ADGRL4: variants seen among roughly 807,000 people sequenced by gnomAD.
The protein encoded by ADGRL4 is adhesion G protein-coupled receptor L4.
ADGRL4 carries 90 observed loss-of-function variants against 74.8 expected under a neutral mutation model. That is an observed-to-expected ratio of 1.20 (90% CI 1.02 to 1.43). The LOEUF (loss-of-function observed/expected upper bound fraction) is 1.43, where lower values mean the gene tolerates loss of function less well. Among genes scored for constraint, ADGRL4 ranks in the 40% most tolerant of loss-of-function variants. ADGRL4 has a pLI of 0.00. For synonymous variants in ADGRL4, 311 were observed against 279.2 expected, an observed-to-expected ratio of 1.11 and a Z score of -1.14; for missense variants, 881 against 814.3, an observed-to-expected ratio of 1.08 and a Z score of -1.00.
Position 78,977,828 on chromosome 1 carries a change from T to C in ADGRL4, c.172+27242A>G, listed in dbSNP as rs866297949. On this transcript the variant is annotated intron_variant, in intron 2 of 14. Transcript: ENST00000370742. The stretch of plus-strand genomic sequence containing the variant: ...AGGGATAAGCATTACCTGGAATTAA[T>C]TGGAAAGAGCTAACATAATCAAAAC... 8.6e-4 allele frequency among the ~76,000 whole-genome samples: 131 copies of C among 151,928 alleles called. 1 individual carries two copies. The highest frequency in any genetic ancestry group is 2.9e-3 in the African/African-American group (121 of 41,492).
At position 78,939,180 on chromosome 1, in the gene ADGRL4, C is replaced by T. The variant is rs773342442; in HGVS notation, c.396+8G>A. Reference sequence around the variant, plus strand: ...AAAATAAAATAAATTGTTAACTGTTCTACTTACTTTTGTTAAAGTTTTATT... The same window carrying T: ...AAAATAAAATAAATTGTTAACTGTTTTACTTACTTTTGTTAAAGTTTTATT... On this transcript the variant is annotated splice_region_variant and intron_variant, in intron 4 of 14. Transcript: ENST00000370742. 6.4e-7 allele frequency: 1 copy of T among 1,556,310 alleles called. No individual in the cohort carries two copies. The highest frequency in any genetic ancestry group is 8.7e-7 in the Non-Finnish European group (1 of 1,155,658).
intron 12 of ADGRL4, among the ~76,000 whole-genome samples, chr1:78,916,805 T>A (rs1411121777): frequency 1.3e-5 from 2 of 151,886 alleles, no homozygotes; most frequent in African/African-American, 4.8e-5. Context: ...TTGCCATAAC[T>A]TCTCTACTGA....
intron 2 of ADGRL4, among the ~76,000 whole-genome samples, chr1:79,001,049 A>T (rs1434431596): frequency 6.6e-6 from 1 of 151,962 alleles, no homozygotes; most frequent in South Asian, 2.1e-4. Flanking sequence ...ATCCTTAAAT[A>T]TTATCTGAAA....
At chr1:78,977,346 G>T (rs1650305455) in intron 2 of ADGRL4, among the ~76,000 whole-genome samples, 1 of 151,652 alleles carries the variant, frequency 6.6e-6, no homozygotes, top group African/African-American at 2.4e-5. Context: ...GAATTGTATG[G>T]GAACTAGGGT....
chr1:78,957,784 G>A (rs1223941385), intron 2 of ADGRL4, among the ~76,000 whole-genome samples: 1 of 152,202 alleles, frequency 6.6e-6, no homozygotes, highest in East Asian at 1.9e-4. Context: ...GGAAACAATA[G>A]ATTTTCAGTG....
At chr1:78,999,823 TCTATCTATCTATCTATCTAC>T (rs1018433643) in intron 2 of ADGRL4, among the ~76,000 whole-genome samples, 2 of 149,906 alleles carry the variant, frequency 1.3e-5, no homozygotes, top group African/African-American at 4.9e-5. Flanking sequence ...TATCTATCTA[TCTATCTATCTATCTATCTAC>T]CTACCTACCT....
intron 2 of ADGRL4, among the ~76,000 whole-genome samples, chr1:78,994,455 C>T (rs952646343): frequency 6.6e-6 from 1 of 152,244 alleles, no homozygotes; most frequent in East Asian, 1.9e-4. Context: ...ATTTTGCAGA[C>T]TGAATTTTTG....
Position 78,890,580 on chromosome 1 carries a change from A to G in ADGRL4, c.*574T>C, listed in dbSNP as rs1022595599. The G allele has an allele frequency of 2.0e-5, 3 of 152,130 alleles. No homozygotes were observed. Among genetic ancestry groups the G allele is most frequent in the African/African-American group, 7.2e-5 (3 of 41,430 alleles). The allele number at this position is 152,130 out of a possible 1,614,324, so 9.4% of individuals were successfully genotyped here. On this transcript the variant is annotated 3_prime_UTR_variant, in exon 15 of 15. Coordinates refer to ENST00000370742, the MANE Select transcript of ADGRL4 (RefSeq NM_022159.4). ...GTTTTAGTGGACATTTAAGTTCAGA[A>G]CAATTCACAAAATGGTAAAATGTGT...
At chr1:78,971,288 A>G (rs940530814) in intron 2 of ADGRL4, among the ~76,000 whole-genome samples, 2 of 151,692 alleles carry the variant, frequency 1.3e-5, no homozygotes, top group Non-Finnish European at 2.9e-5. Context: ...TTTTTTTATT[A>G]TTATTATACT....
chr1:78,926,064 T>C (rs948038635), intron 8 of ADGRL4, among the ~76,000 whole-genome samples: 1 of 152,218 alleles, frequency 6.6e-6, no homozygotes, highest in East Asian at 1.9e-4. Flanking sequence ...CTACCTTCAA[T>C]GTTTTTACTT....
intron 7 of ADGRL4, among the ~76,000 whole-genome samples, chr1:78,931,503 T>C (rs560761117): frequency 5.2e-4 from 78 of 151,364 alleles, no homozygotes; most frequent in South Asian, 1.7e-3. Context: ...CCAATGACAC[T>C]ATGAAGAAAC....
At chr1:78,945,164 C>CAAAAAA (rs57419194) in intron 3 of ADGRL4, among the ~76,000 whole-genome samples, 60 of 116,532 alleles carry the variant, frequency 5.1e-4, no homozygotes, top group African/African-American at 1.8e-3. Context: ...GACTCTGTCT[C>CAAAAAA]AAAAAAAAAA....
At chr1:78,934,471 A>G (rs1328164133) in intron 7 of ADGRL4, among the ~76,000 whole-genome samples, 1 of 152,218 alleles carries the variant, frequency 6.6e-6, no homozygotes, top group Admixed American at 6.5e-5. Flanking sequence ...TGTAGGTAAT[A>G]CCATTTAGGA....
chr1:79,005,209 G>A lies in ADGRL4; in HGVS notation c.33C>T (p.Ser11=), dbSNP rs1480498804. 8.8e-6 allele frequency: 14 copies of A among 1,594,280 alleles called. No homozygotes were observed. The highest frequency in any genetic ancestry group is 1.4e-5 in the African/African-American group (1 of 73,612). The part of the protein sequence containing the change: MKRLPLLVVF[S]TLLNCSYTQN... ...GAGTATAGGAACAATTCAACAAAGTGGAAAAAACCACTAAATAAAATAGAG... is the reference window on the plus strand; with the variant it reads ...GAGTATAGGAACAATTCAACAAAGTAGAAAAAACCACTAAATAAAATAGAG... The change falls in exon 2 of 15, where the codon TCC becomes TCT. Residue 11 remains serine, a synonymous_variant. Coordinates refer to ENST00000370742, the MANE Select transcript of ADGRL4 (RefSeq NM_022159.4).
intron 3 of ADGRL4, among the ~76,000 whole-genome samples, chr1:78,944,026 A>T (rs759900895): frequency 4.6e-5 from 7 of 152,310 alleles, no homozygotes; most frequent in Admixed American, 4.6e-4. Context: ...GTCTTCAATT[A>T]CAAATATACT....
intron 2 of ADGRL4, among the ~76,000 whole-genome samples, chr1:78,951,529 C>T (rs947192616): frequency 3.9e-5 from 6 of 152,044 alleles, no homozygotes; most frequent in African/African-American, 1.4e-4. Flanking sequence ...GTTATCTACT[C>T]GTTTAGTTAT....
At chr1:78,938,343 A>C in intron 4 of ADGRL4, 64 bp from the exon 5 acceptor site, 3 of 1,345,072 alleles carry the variant, frequency 2.2e-6, no homozygotes, top group Non-Finnish European at 3.0e-6. Context: ...TACAAGAATA[A>C]AACTTACATG....
intron 7 of ADGRL4, among the ~76,000 whole-genome samples, chr1:78,932,587 G>GATTTTTCTAGCTTTCTGTTGT (rs1649264214): frequency 7.4e-6 from 1 of 135,156 alleles, no homozygotes; most frequent in Non-Finnish European, 1.5e-5. Context: ...GCAGAGTTGA[G>GATTTTTCTAGCTTTCTGTTGT]GGAGATAGAG....
chr1:78,956,908 T>C (rs1649846041), intron 2 of ADGRL4, among the ~76,000 whole-genome samples: 1 of 152,168 alleles, frequency 6.6e-6, no homozygotes, highest in Non-Finnish European at 1.5e-5. Flanking sequence ...GTTTCAGCTC[T>C]GTGTCAATCA....
Sources: allele counts gnomAD v4.1 joint callset (sites outside exome capture counted in the v4.1 genomes callset), GRCh38; gene constraint gnomAD v4.1.1; transcripts MANE v1.5; gene names NCBI Gene and HGNC (gene_info 2026-07-23, HGNC 2026-07-21).